Variants in MAP3K12 observed in about 807,000 individuals in gnomAD.
MAP3K12 encodes the protein MAPK-upstream kinase.
MAP3K12 carries 14 observed loss-of-function variants against 87.5 expected under a neutral mutation model. That is an observed-to-expected ratio of 0.16 (90% confidence interval 0.11 to 0.25). The LOEUF (loss-of-function observed/expected upper bound fraction) is 0.25, where lower values mean the gene tolerates loss of function less well. MAP3K12 is among the 10% of genes least tolerant of loss of function. The pLI is 1.00. For synonymous variants in MAP3K12, 469 were observed against 452.5 expected, an observed-to-expected ratio of 1.04 and a Z score of -0.46; for missense variants, 802 against 1,140.4, an observed-to-expected ratio of 0.70 and a Z score of 4.27.
At chr12:53,489,079 C>CAAAAA (rs925604046) in intron 1 of MAP3K12, among the ~76,000 whole-genome samples, 1 of 46,408 alleles carries the variant, frequency 2.2e-5, no homozygotes. Context: ...AACTCTGTCT[C>CAAAAA]AAAAAAAAAA....
intron 1 of MAP3K12, among the ~76,000 whole-genome samples, chr12:53,495,541 CAAAAAAAAAAAAAAA>C (rs57850924): frequency 2.1e-5 from 1 of 48,040 alleles, no homozygotes; most frequent in Non-Finnish European, 3.7e-5. Flanking sequence ...GACTCCATCT[CAAAAAAAAAAAAAAA>C]AAAAAAAAAA....
At position 53,483,731 on chromosome 12, in the gene MAP3K12, G is replaced by C. The variant is rs759251872; in HGVS notation, c.1359-8C>G. ...CTGATGTCCAGGGCGTGTCTGCAAC[G>C]GGCAGAAAGGTTCCCCAAGGTGAAC... On this transcript the variant is annotated splice_region_variant and splice_polypyrimidine_tract_variant and intron_variant, in intron 8 of 13. Transcript: ENST00000547488. The C allele has an allele frequency of 6.2e-7, 1 of 1,613,554 alleles. No individual in the cohort carries two copies. Among genetic ancestry groups the C allele is most frequent in the African/African-American group, 1.3e-5 (1 of 74,874 alleles).
chr12:53,482,076 C>T lies in MAP3K12; in HGVS notation c.2445G>A (p.Glu815=). 1 of 1,614,200 alleles carries T rather than the reference C, an allele frequency of 6.2e-7. No individual in the cohort carries two copies. The highest frequency in any genetic ancestry group is 1.1e-5 in the South Asian group (1 of 91,090). Residue 815 remains glutamate, a synonymous_variant, in exon 13 of 14, where the codon GAG becomes GAA. Coordinates refer to ENST00000547488, the MANE Select transcript of MAP3K12 (RefSeq NM_001193511.2). ...TGTCATCAGACCGCTCATCTGGCCG[C>T]TCATCAGTGTTGGTGCTGCCAACTT... ...TPEVGSTNTD[E]RPDERSDDMC...
chr12:53,484,462 A>T, intron 6 of MAP3K12, 97 bp from the exon 7 acceptor site: 2 of 807,992 alleles, frequency 2.5e-6, no homozygotes, highest in African/African-American at 1.7e-5. Context: ...TGGAGAATCC[A>T]ATCCTAGAAT....
At chr12:53,491,675 C>A (rs1310410426) in intron 1 of MAP3K12, among the ~76,000 whole-genome samples, 2 of 151,738 alleles carry the variant, frequency 1.3e-5, no homozygotes, top group African/African-American at 4.8e-5. Context: ...CCTCATGATC[C>A]GCCCATCTCG....
chr12:53,501,170 A>G (rs1943683112), upstream of MAP3K12: 3 of 564,276 alleles, frequency 5.3e-6, no homozygotes, highest in South Asian at 2.2e-5. Context: ...CGCTCCTCCC[A>G]GAAGGCGGTG....
chr12:53,486,914 CAG>C lies in MAP3K12; in HGVS notation c.445+31_445+32del, dbSNP rs772383869. On this transcript the variant is annotated intron_variant, in intron 2 of 13. Coordinates refer to ENST00000547488, the MANE Select transcript of MAP3K12 (RefSeq NM_001193511.2). This position sits in a 1 kb window ranked among gnomAD's most constrained non-coding sequence, Gnocchi z 4.9. Reference sequence around the variant, plus strand: ...CCAACAGATCTCGGGCTCAGGGAAACAGAGAGGAGGCTCCCACAAGGACGTGG... The same window carrying C: ...CCAACAGATCTCGGGCTCAGGGAAACAGAGGAGGCTCCCACAAGGACGTGG... 2.6e-5 allele frequency: 42 copies of C among 1,607,098 alleles called. No individual in the cohort carries two copies. Among genetic ancestry groups the C allele is most frequent in the East Asian group, 1.3e-4 (6 of 44,750 alleles).
chr12:53,486,924 G>GA lies in MAP3K12; in HGVS notation c.445+22_445+23insT. On this transcript the variant is annotated intron_variant, in intron 2 of 13. Coordinates refer to ENST00000547488, the MANE Select transcript of MAP3K12 (RefSeq NM_001193511.2). This position sits in a 1 kb window ranked among gnomAD's most constrained non-coding sequence, Gnocchi z 4.9. ...TCGGGCTCAGGGAAACAGAGAGGAG[G>GA]CTCCCACAAGGACGTGGCCTACCTT... The GA allele has an allele frequency of 1.2e-6, 2 of 1,608,792 alleles. No homozygotes were observed. Among genetic ancestry groups the GA allele is most frequent in the Non-Finnish European group, 1.7e-6 (2 of 1,175,862 alleles).
At chr12:53,491,013 G>A (rs1247495134) in intron 1 of MAP3K12, among the ~76,000 whole-genome samples, 1 of 152,100 alleles carries the variant, frequency 6.6e-6, no homozygotes, top group Non-Finnish European at 1.5e-5. Flanking sequence ...TTACGGCTGG[G>A]CGTAGTGGCT....
intron 1 of MAP3K12, among the ~76,000 whole-genome samples, chr12:53,490,482 A>G (rs1284858580): frequency 6.6e-6 from 1 of 152,128 alleles, no homozygotes; most frequent in Non-Finnish European, 1.5e-5. Flanking sequence ...ACAGTGGCTC[A>G]TGCCTGTAAT....
chr12:53,496,467 C>T lies in MAP3K12; in HGVS notation c.-38+2960G>A, dbSNP rs528686557. On this transcript the variant is annotated intron_variant, in intron 1 of 13. Coordinates refer to ENST00000547488, the MANE Select transcript of MAP3K12 (RefSeq NM_001193511.2). ...GCCCTGGATCACCCCTCAGCCTTAC[C>T]CATGGAGGCCTCGGGGAAGGGGAGG... is the stretch of plus-strand genomic sequence containing the variant. Among the ~76,000 whole-genome samples, 5 of 152,282 alleles carry T rather than the reference C, an allele frequency of 3.3e-5. No homozygotes were observed. The East Asian group carries it at 7.7e-4, about 24-fold the overall frequency.
chr12:53,484,547 T>C, intron 6 of MAP3K12, 182 bp from the exon 7 acceptor site: 1 of 569,156 alleles, frequency 1.8e-6, no homozygotes, highest in Non-Finnish European at 3.1e-6. Context: ...TGTGTCAAAA[T>C]CCTGCAGTAA....
chr12:53,483,564 G>A (rs1221027388), intron 9 of MAP3K12, 43 bp downstream of exon 9: 1 of 1,613,886 alleles, frequency 6.2e-7, no homozygotes, highest in Non-Finnish European at 8.5e-7. Flanking sequence ...CTCTAAGGCA[G>A]GCACAGCTCC....
At chr12:53,483,556 C>T (rs59526710) in intron 9 of MAP3K12, 51 bp downstream of exon 9, 2 of 1,613,912 alleles carry the variant, frequency 1.2e-6, no homozygotes, top group Non-Finnish European at 1.7e-6. Flanking sequence ...AGTAGGACCT[C>T]TAAGGCAGGC....
rs777619004 is a variant in MAP3K12 at position 53,482,613 on chromosome 12, G to C, written c.2190C>G (p.His730Gln). 2.5e-6 allele frequency: 4 copies of C among 1,613,744 alleles called. No individual in the cohort carries two copies. Among genetic ancestry groups the C allele is most frequent in the Admixed American group, 1.7e-5 (1 of 60,010 alleles). The change falls in exon 11 of 14, where the codon CAC becomes CAG. Residue 730 changes from histidine to glutamine, a missense_variant. By Grantham distance (24) the His-to-Gln change is conservative. This residue lies in a region of MAP3K12 where 490 missense variants were observed against 496.6 expected (regional missense o/e 0.99). Coordinates refer to ENST00000547488, the MANE Select transcript of MAP3K12 (RefSeq NM_001193511.2). ...GRGGSRAGSQ[H>Q]LTPAALLYRA... Reference sequence around the variant, plus strand: ...TGTACAGCAGTGCAGCTGGGGTCAAGTGCTGGGACCCAGCCCGGCTTCCTC... The same window carrying C: ...TGTACAGCAGTGCAGCTGGGGTCAACTGCTGGGACCCAGCCCGGCTTCCTC...
chr12:53,481,780 T>C, intron 13 of MAP3K12, 161 bp downstream of exon 13: 2 of 801,736 alleles, frequency 2.5e-6, no homozygotes, highest in South Asian at 3.8e-5. Context: ...TCGTAATAGA[T>C]GCTCTGTGCA....
In MAP3K12 at chr12:53,483,624, C is replaced by T. The variant is rs780100727; in HGVS notation, c.1458G>A (p.Lys486=). ...LNALMLQLEL[K]ERELLRREQA... is the part of the protein sequence containing the mutation. ...AGGGTTACCTGAGCAGCTCCCTCTCCTTGAGTTCCAGCTGCAACATGAGGG... is the reference window on the plus strand; with the variant it reads ...AGGGTTACCTGAGCAGCTCCCTCTCTTTGAGTTCCAGCTGCAACATGAGGG... The change falls in exon 9 of 14, where the codon AAG becomes AAA. Residue 486 remains lysine, a synonymous_variant. Transcript: ENST00000547488. The T allele has an allele frequency of 3.7e-6, 6 of 1,614,138 alleles. No individual in the cohort carries two copies. In the South Asian group the frequency reaches 5.5e-5, roughly 15 times the overall value.
In MAP3K12 at chr12:53,482,016, T is replaced by A. The variant is rs1943068473; in HGVS notation, c.2505A>T (p.Pro835=). 1 of 1,613,890 alleles carries A rather than the reference T, an allele frequency of 6.2e-7. No individual in the cohort carries two copies. The highest frequency in any genetic ancestry group is 1.7e-5 in the Admixed American group (1 of 59,974). The change falls in exon 13 of 14, where the codon CCA becomes CCT. Residue 835 remains proline, a synonymous_variant. Coordinates refer to ENST00000547488, the MANE Select transcript of MAP3K12 (RefSeq NM_001193511.2). The part of the protein sequence containing the change: ...CSQGSEIPLD[P]PPSEVIPGPE... ...GGCCAGGGATGACCTCTGAAGGAGG[T>A]GGGTCCAGTGGGATTTCTGAGCCCT... is the stretch of plus-strand genomic sequence containing the variant.
At chr12:53,494,572 G>C (rs1311758138) in intron 1 of MAP3K12, among the ~76,000 whole-genome samples, 1 of 152,156 alleles carries the variant, frequency 6.6e-6, no homozygotes, top group Non-Finnish European at 1.5e-5. Context: ...GCTCCTTCTT[G>C]TATAACAGCA....
Sources: gnomAD v4.1 joint callset for allele counts (sites outside exome capture counted in the v4.1 genomes callset) on GRCh38, gnomAD v4.1.1 for gene constraint, gnomAD v4.1.1 regional missense constraint, Gnocchi (gnomAD v3.1) non-coding constraint, MANE v1.5 for transcripts, NCBI Gene and HGNC (gene_info 2026-07-23, HGNC 2026-07-21) for gene names.